Variants in MZF1 observed in about 807,000 individuals in gnomAD.
MZF1 encodes zinc finger and SCAN domain-containing protein 6.
Under a neutral mutation model 28.6 loss-of-function variants are expected in MZF1, and 24 were observed. The observed-to-expected ratio is 0.84, with a 90% confidence interval of 0.61 to 1.18. MZF1 has a LOEUF of 1.18. MZF1 is among the 50% of genes most tolerant of loss of function. The pLI, the probability that MZF1 is intolerant of heterozygous loss-of-function variation, is 0.00. For synonymous variants in MZF1, 516 were observed against 432.5 expected, an observed-to-expected ratio of 1.19 and a Z score of -2.40; for missense variants, 1,166 against 1,026.4, an observed-to-expected ratio of 1.14 and a Z score of -1.86.
rs1052000711 is a variant in MZF1, at chr19:58,571,117, C to T, written c.273G>A (p.Gln91=). ...TCTCAGGGGGCAGTGCGCCCAGGAACTGCTCCAGCACCAACAGCTCCAGCA... is the reference window on the plus strand; with the variant it reads ...TCTCAGGGGGCAGTGCGCCCAGGAATTGCTCCAGCACCAACAGCTCCAGCA... ...EQMLELLVLE[Q]FLGALPPEIQ... is the part of the protein sequence containing the mutation. The change falls in exon 2 of 6, where the codon CAG becomes CAA. Residue 91 remains glutamine (Q), a synonymous_variant. Coordinates refer to ENST00000215057, the MANE Select transcript of MZF1 (RefSeq NM_198055.2). 1.9e-6 allele frequency: 3 copies of T among 1,614,060 alleles called. No individual in the cohort carries two copies. Among genetic ancestry groups the T allele is most frequent in the South Asian group, 1.1e-5 (1 of 91,088 alleles).
At position 58,562,621 on chromosome 19, in the gene MZF1, C is replaced by T; in HGVS notation, c.1656G>A (p.Gln552=). Reference sequence around the variant, plus strand: ...GCCGGTGCTGCGTCAGGTTGGAGCGCTGCCGGAAGCTCTGGCCGCACTCGG... The same window carrying T: ...GCCGGTGCTGCGTCAGGTTGGAGCGTTGCCGGAAGCTCTGGCCGCACTCGG... ...ACAECGQSFR[Q]RSNLTQHRRI... The change falls in exon 6 of 6, where the codon CAG becomes CAA. Residue 552 remains glutamine (Q), a synonymous_variant. Transcript: ENST00000215057. The T allele has an allele frequency of 6.4e-7, 1 of 1,569,002 alleles. No individual in the cohort carries two copies. The highest frequency in any genetic ancestry group is 1.9e-5 in the Admixed American group (1 of 53,480).
At chr19:58,565,633 C>T (rs1389405321) in intron 5 of MZF1, among the ~76,000 whole-genome samples, 2 of 151,806 alleles carry the variant, frequency 1.3e-5, no homozygotes, top group African/African-American at 4.8e-5. Context: ...CCCGGGTTCA[C>T]GCCATTCTCC....
intron 1 of MZF1, chr19:58,572,091 C>T (rs982919015): frequency 6.1e-6 from 1 of 165,096 alleles, no homozygotes; most frequent in Non-Finnish European, 1.3e-5. Context: ...TGGATGGCAC[C>T]TATACACCTA....
At position 58,571,284 on chromosome 19, in the gene MZF1, A is replaced by G. The variant is rs2054158686; in HGVS notation, c.106T>C (p.Trp36Arg). Residue 36 changes from tryptophan (W) to arginine (R), a missense_variant, in exon 2 of 6, where the codon TGG becomes CGG. By Grantham distance (101) the Trp-to-Arg change is moderately radical. Transcript: ENST00000215057. ...CGTGCAGCTTCAGGGCCTGGGTCCC[A>G]TAAGGCAGCCTCACCCTCCTCCTCA... ...DSEEEGEAALWDPGPEAARLR... is the reference protein window; with the variant it reads ...DSEEEGEAALRDPGPEAARLR... 1 of 1,613,880 alleles carries G rather than the reference A, an allele frequency of 6.2e-7. No homozygotes were observed.
rs2053967494 is a variant in MZF1, at chr19:58,563,106, G to A, written c.1171C>T (p.Arg391Cys). ...ERPFVCSECGRSFSRSSHLLR... is the reference protein window; with the variant it reads ...ERPFVCSECGCSFSRSSHLLR... ...AGGTGCGAGCTGCGGCTGAAGCTGC[G>A]GCCGCACTCGCTGCACACGAATGGT... Residue 391 changes from arginine (R) to cysteine (C), a missense_variant, in exon 6 of 6, where the codon CGC becomes TGC. Physicochemically the swap from Arg to Cys is radical, Grantham distance 180. Transcript: ENST00000215057. 6.2e-7 allele frequency: 1 copy of A among 1,605,882 alleles called. No individual in the cohort carries two copies. The highest frequency in any genetic ancestry group is 8.5e-7 in the Non-Finnish European group (1 of 1,179,372).
chr19:58,571,646 C>G (rs1338367330), intron 1 of MZF1: 2 of 524,204 alleles, frequency 3.8e-6, no homozygotes, highest in Middle Eastern at 1.0e-3. Context: ...TGGGCCTGTG[C>G]AAAGTCTCTG....
rs537231142 is a variant in MZF1 at position 58,571,217 on chromosome 19, G to A, written c.173C>T (p.Pro58Leu). The change falls in exon 2 of 6, where the codon CCC becomes CTC. Residue 58 changes from proline to leucine, a missense_variant. By Grantham distance (98) the Pro-to-Leu change is moderately conservative. Coordinates refer to ENST00000215057, the MANE Select transcript of MZF1 (RefSeq NM_198055.2). ...RCFRYEEATG[P>L]QEALAQLREL... ...TCGGAGCTGGGCCAGGGCCTCTTGG[G>A]GCCCTGTGGCCTCCTCATAGCGGAA... 6.2e-7 allele frequency: 1 copy of A among 1,612,728 alleles called. No individual in the cohort carries two copies. Among genetic ancestry groups the A allele is most frequent in the African/African-American group, 1.3e-5 (1 of 75,052 alleles).
At position 58,563,357 on chromosome 19, in the gene MZF1, A is replaced by T; in HGVS notation, c.920T>A (p.Leu307His). Residue 307 changes from leucine to histidine, a missense_variant, in exon 6 of 6, where the codon CTC becomes CAC. Transcript: ENST00000215057. ...REGGFAHALLLPSDLRSEQDP... is the reference protein window; with the variant it reads ...REGGFAHALLHPSDLRSEQDP... Reference sequence around the variant, plus strand: ...CTGTTCACTCCTCAGATCGCTGGGGAGCAGAAGCGCATGCGCAAAGCCACC... The same window carrying T: ...CTGTTCACTCCTCAGATCGCTGGGGTGCAGAAGCGCATGCGCAAAGCCACC... 6.2e-7 allele frequency: 1 copy of T among 1,608,092 alleles called. No homozygotes were observed. Among genetic ancestry groups the T allele is most frequent in the Middle Eastern group, 1.7e-4 (1 of 6,050 alleles).
chr19:58,567,199 C>T (rs1568682569), intron 5 of MZF1, among the ~76,000 whole-genome samples: 2 of 152,192 alleles, frequency 1.3e-5, no homozygotes, highest in African/African-American at 4.8e-5. Flanking sequence ...TGAGCGGCTG[C>T]GCCTGGCTAA....
intron 5 of MZF1, among the ~76,000 whole-genome samples, chr19:58,564,906 T>TC (rs1568680370): frequency 1.4e-5 from 1 of 71,050 alleles, no homozygotes; most frequent in Non-Finnish European, 2.6e-5. Context: ...GTGTGTGTTT[T>TC]TTTTTTTTTT....
intron 5 of MZF1, among the ~76,000 whole-genome samples, chr19:58,565,555 C>T (rs1446029014): frequency 6.7e-6 from 1 of 148,496 alleles, no homozygotes; most frequent in South Asian, 2.1e-4. Context: ...GCACTTGAGA[C>T]GGAGTCTCGC....
Position 58,571,042 on chromosome 19 carries a change from A to G in MZF1, c.348T>C (p.Ala116=). Residue 116 remains alanine, a synonymous_variant, in exon 2 of 6, where the codon GCT becomes GCC. Coordinates refer to ENST00000215057, the MANE Select transcript of MZF1 (RefSeq NM_198055.2). ...CCCGGCGCAGCCCATCTACTAGGGC[A>G]GCAGCCTCCTCGGGGCTGCCTGGCC... is the stretch of plus-strand genomic sequence containing the variant. ...GQRPGSPEEA[A]ALVDGLRREP... is the part of the protein sequence containing the mutation. The G allele has an allele frequency of 6.2e-7, 1 of 1,612,950 alleles. No individual in the cohort carries two copies. Among genetic ancestry groups the G allele is most frequent in the African/African-American group, 1.3e-5 (1 of 75,062 alleles).
intron 5 of MZF1, chr19:58,568,406 A>C (rs1207038881): frequency 1.3e-5 from 2 of 152,240 alleles, no homozygotes; most frequent in African/African-American, 4.8e-5. Context: ...CCAATAGCCA[A>C]GTAAGAGGCA....
In MZF1 at chr19:58,570,977, C is replaced by A. The variant is rs754088128; in HGVS notation, c.396+17G>T. On this transcript the variant is annotated intron_variant, in intron 2 of 5. Coordinates refer to ENST00000215057, the MANE Select transcript of MZF1 (RefSeq NM_198055.2). ...TGATGCTCCAGTCCTGAACCCCACTCGTGGACACTCACTCACCCATCTCCG... is the reference window on the plus strand; with the variant it reads ...TGATGCTCCAGTCCTGAACCCCACTAGTGGACACTCACTCACCCATCTCCG... 1.9e-6 allele frequency: 3 copies of A among 1,589,340 alleles called. No homozygotes were observed. The highest frequency in any genetic ancestry group is 4.5e-5 in the East Asian group (2 of 44,646).
At chr19:58,569,953 C>A in intron 3 of MZF1, 1 of 314,934 alleles carries the variant, frequency 3.2e-6, no homozygotes, top group Non-Finnish European at 5.9e-6. Context: ...GGGGTCATAC[C>A]CCTAACACTA....
intron 1 of MZF1, 135 bp from the exon 2 acceptor site, chr19:58,571,564 A>G (rs2054164557): frequency 2.5e-6 from 2 of 805,232 alleles, no homozygotes; most frequent in Non-Finnish European, 3.8e-6. Context: ...AAGAAAGGCC[A>G]TCTACAACCC....
Position 58,562,363 on chromosome 19 carries a change from C to T in MZF1, c.1914G>A (p.Ser638=), listed in dbSNP as rs747656733. The T allele has an allele frequency of 6.2e-6, 10 of 1,603,270 alleles. No homozygotes were observed. The highest frequency in any genetic ancestry group is 2.3e-5 in the East Asian group (1 of 44,282). The part of the protein sequence containing the change: ...GECGLGFTQV[S]RLTEHQRIHT... Reference sequence around the variant, plus strand: ...GGATGCGCTGGTGCTCGGTGAGCCGCGAGACCTGCGTGAAGCCCAGGCCGC... The same window carrying T: ...GGATGCGCTGGTGCTCGGTGAGCCGTGAGACCTGCGTGAAGCCCAGGCCGC... The change falls in exon 6 of 6, where the codon TCG becomes TCA. Residue 638 remains serine (S), a synonymous_variant. Transcript: ENST00000215057.
At position 58,563,243 on chromosome 19, in the gene MZF1, C is replaced by T. The variant is rs1268866734; in HGVS notation, c.1034G>A (p.Arg345His). 3.1e-6 allele frequency: 5 copies of T among 1,608,576 alleles called. No individual in the cohort carries two copies. Among genetic ancestry groups the T allele is most frequent in the Non-Finnish European group, 4.2e-6 (5 of 1,177,986 alleles). Residue 345 changes from arginine (R) to histidine (H), a missense_variant, in exon 6 of 6, where the codon CGC becomes CAC. By Grantham distance (29) the Arg-to-His change is conservative. Transcript: ENST00000215057. ...WRSPRGRSRG[R>H]PSTGGGVVRG... ...AACCACCCCGCCCCCAGTGCTGGGG[C>T]GGCCCCGGCTCCGGCCCCTGGGGGA...
Position 58,562,502 on chromosome 19 carries a change from G to A in MZF1, c.1775C>T (p.Thr592Met). 1.2e-6 allele frequency: 2 copies of A among 1,607,758 alleles called. No homozygotes were observed. The highest frequency in any genetic ancestry group is 1.7e-6 in the Non-Finnish European group (2 of 1,178,478). The change falls in exon 6 of 6, where the codon ACG becomes ATG. Residue 592 changes from threonine to methionine, a missense_variant. Physicochemically the swap from Thr to Met is moderately conservative, Grantham distance 81 (BLOSUM62 -1). Transcript: ENST00000215057. ...GGGGCAGGCAAAGGGTTTCTCGCCC[G>A]TGTGTACGCGGAGATGCTGCGTGAG... ...PTLTQHLRVHTGEKPFACPEC... is the reference protein window; with the variant it reads ...PTLTQHLRVHMGEKPFACPEC...
Sources: allele counts gnomAD v4.1 joint callset (sites outside exome capture counted in the v4.1 genomes callset), GRCh38; gene constraint gnomAD v4.1.1; transcripts MANE v1.5; gene names NCBI Gene and HGNC (gene_info 2026-07-23, HGNC 2026-07-21).